The following ATP10D variants were observed in gnomAD, a reference collection of about 807,000 sequenced individuals.
ATP10D encodes phospholipid-transporting ATPase VD.
In ATP10D, 89 loss-of-function variants were observed where a neutral mutation model predicts 144.8. The observed-to-expected ratio is 0.61, with a 90% CI of 0.52 to 0.73. The LOEUF (loss-of-function observed/expected upper bound fraction) is 0.73, where lower values mean the gene tolerates loss of function less well. ATP10D is among the 30% of genes least tolerant of loss of function. The probability of loss-of-function intolerance (pLI) is 0.00; values close to 1 mark genes in which losing one functional copy is unlikely to be tolerated. For synonymous variants in ATP10D, 571 were observed against 615.1 expected (o/e 0.93, Z 1.06); for missense variants, 1,603 against 1,714.8 (o/e 0.93, Z 1.15).
At chr4:47,538,801 G>A (rs1193156630) in intron 9 of ATP10D, among the ~76,000 whole-genome samples, 1 of 152,170 alleles carries the variant, frequency 6.6e-6, no homozygotes, top group African/African-American at 2.4e-5. Context: ...CTGCCAAACA[G>A]CCTCACAACA....
chr4:47,547,981 G>A (rs1410250016), intron 10 of ATP10D, among the ~76,000 whole-genome samples: 1 of 152,038 alleles, frequency 6.6e-6, no homozygotes, highest in Non-Finnish European at 1.5e-5. Context: ...AGTTCATTCT[G>A]TGTACTCATT....
At chr4:47,494,622 G>A (rs1560406237) in intron 1 of ATP10D, among the ~76,000 whole-genome samples, 2 of 151,558 alleles carry the variant, frequency 1.3e-5, no homozygotes, top group Admixed American at 6.6e-5. Context: ...GTCATGTTAT[G>A]AAGATATTAG....
intron 3 of ATP10D, among the ~76,000 whole-genome samples, chr4:47,518,430 T>G (rs1364152838): frequency 6.6e-6 from 1 of 152,204 alleles, no homozygotes; most frequent in African/African-American, 2.4e-5. Flanking sequence ...TTTTAAAATC[T>G]GTTTTAACAT....
intron 9 of ATP10D, 115 bp downstream of exon 9, chr4:47,537,053 A>G (rs115875306): frequency 0.018 from 21,636 of 1,233,062 alleles, 239 homozygotes; most frequent in Non-Finnish European, 0.021. Flanking sequence ...ATCATTGAGT[A>G]CTTAATGCTT....
chr4:47,533,676 G>A (rs1246143857), intron 5 of ATP10D, among the ~76,000 whole-genome samples: 2 of 152,144 alleles, frequency 1.3e-5, no homozygotes, highest in Admixed American at 1.3e-4. Flanking sequence ...TTTTGCCACT[G>A]TAGCAATTTA....
intron 5 of ATP10D, among the ~76,000 whole-genome samples, chr4:47,528,531 A>C (rs1717395742): frequency 1.3e-5 from 2 of 149,056 alleles, no homozygotes; most frequent in Middle Eastern, 3.5e-3. Flanking sequence ...ATATATATAC[A>C]CACCACATTG....
At chr4:47,488,612 CA>C (rs56859197) in intron 1 of ATP10D, among the ~76,000 whole-genome samples, 1,431 of 91,180 alleles carry the variant, frequency 0.016, 13 homozygotes, top group Middle Eastern at 0.047. Flanking sequence ...ATATAATAAG[CA>C]AAAAAAAAAA....
rs112941305 is a variant in ATP10D at position 47,554,684 on chromosome 4, A to G, written c.1636-42A>G. The G allele has an allele frequency of 4.4e-4, 639 of 1,465,628 alleles. 1 individual carries two copies. The African/African-American group carries it at 7.6e-3, about 17-fold the overall frequency. 90.8% of individuals were successfully genotyped at this position (1,465,628 alleles called of 1,614,324 possible). A position where few individuals can be genotyped will look rare whatever the true frequency, so the allele number is the denominator to read the frequency against. On this transcript the variant is annotated intron_variant, in intron 10 of 22. Coordinates refer to ENST00000273859, the MANE Select transcript of ATP10D (RefSeq NM_020453.4). ...TCATGTTGATTTAAAACTAATTTTT[A>G]TATACTTCTTATAACAACACACTGT...
intron 10 of ATP10D, among the ~76,000 whole-genome samples, chr4:47,549,658 A>G: frequency 6.6e-6 from 1 of 152,270 alleles, no homozygotes; most frequent in East Asian, 1.9e-4. Flanking sequence ...GAATAATTAT[A>G]AACCTGTATT....
chr4:47,557,296 A>G (rs1719035340), intron 11 of ATP10D, among the ~76,000 whole-genome samples: 1 of 152,082 alleles, frequency 6.6e-6, no homozygotes, highest in South Asian at 2.1e-4. Context: ...TTCTTTAGAA[A>G]AAAAATTGCT....
intron 16 of ATP10D, among the ~76,000 whole-genome samples, chr4:47,571,543 A>G (rs924842611): frequency 2.6e-5 from 4 of 152,108 alleles, no homozygotes; most frequent in African/African-American, 7.2e-5. Context: ...AAACCAGTAT[A>G]CCTTTACTGA....
chr4:47,542,650 T>G (rs1718205371), intron 9 of ATP10D, among the ~76,000 whole-genome samples: 2 of 151,588 alleles, frequency 1.3e-5, no homozygotes, highest in South Asian at 4.2e-4. Flanking sequence ...GCTAATTTTG[T>G]GTATTTTTAG....
At chr4:47,520,123 G>C (rs1716869539) in intron 3 of ATP10D, among the ~76,000 whole-genome samples, 1 of 152,166 alleles carries the variant, frequency 6.6e-6, no homozygotes, top group Non-Finnish European at 1.5e-5. Context: ...GCAAGAATAT[G>C]AAATTCCTAA....
Position 47,531,888 on chromosome 4 carries a change from C to T in ATP10D, c.777-3621C>T, listed in dbSNP as rs116797610. Among the ~76,000 whole-genome samples the T allele has an allele frequency of 9.2e-3, 1,404 of 152,182 alleles. 20 individuals carry two copies. The highest frequency in any genetic ancestry group is 0.031 in the African/African-American group (1,306 of 41,534). On this transcript the variant is annotated intron_variant, in intron 5 of 22. Transcript: ENST00000273859. ...CCTAGCAGGATGTATTTGGTTTATG[C>T]GGTGGAGAGAACAGGAAGGAACTCT...
chr4:47,546,185 C>G (rs1718415189), intron 9 of ATP10D, among the ~76,000 whole-genome samples: 1 of 152,128 alleles, frequency 6.6e-6, no homozygotes, highest in Admixed American at 6.5e-5. Flanking sequence ...ACCTTGACAA[C>G]AGCAATGTCA....
chr4:47,554,569 C>T (rs1444090885), intron 10 of ATP10D, among the ~76,000 whole-genome samples, 157 bp from the exon 11 acceptor site: 1 of 152,152 alleles, frequency 6.6e-6, no homozygotes, highest in African/African-American at 2.4e-5. Context: ...TTCTCACTTC[C>T]CATGACACGA....
chr4:47,519,454 T>C (rs940444199), intron 3 of ATP10D, among the ~76,000 whole-genome samples: 8 of 152,322 alleles, frequency 5.3e-5, no homozygotes, highest in African/African-American at 1.9e-4. Flanking sequence ...CAAGTTCTAG[T>C]TGTGCATTTA....
chr4:47,581,103 A>G (rs1034829520), intron 20 of ATP10D, among the ~76,000 whole-genome samples: 1 of 152,158 alleles, frequency 6.6e-6, no homozygotes, highest in Non-Finnish European at 1.5e-5. Flanking sequence ...GAAAGCTTTT[A>G]TTAGTGAGTG....
At chr4:47,558,340 T>A in intron 12 of ATP10D, 67 bp downstream of exon 12, 1 of 1,543,990 alleles carries the variant, frequency 6.5e-7, no homozygotes, top group South Asian at 1.2e-5. Context: ...CCATACTTGA[T>A]GGCTTTATAA....
Sources: gnomAD v4.1 joint callset for allele counts (sites outside exome capture counted in the v4.1 genomes callset) on GRCh38, gnomAD v4.1.1 for gene constraint, MANE v1.5 for transcripts, NCBI Gene and HGNC (gene_info 2026-07-23, HGNC 2026-07-21) for gene names.